TLK1: variants seen among roughly 807,000 people sequenced by gnomAD.
TLK1 encodes tousled like kinase 1.
Under a neutral mutation model 105.3 loss-of-function variants are expected in TLK1, and 24 were observed. That is an observed-to-expected ratio of 0.23 (90% CI 0.17 to 0.32). The LOEUF (loss-of-function observed/expected upper bound fraction) is 0.32. Among genes scored for constraint, TLK1 ranks in the 10% least tolerant of loss-of-function variants. TLK1 has a pLI of 1.00. For missense variants in TLK1, 558 were observed against 910.5 expected, an observed-to-expected ratio of 0.61 and a Z score of 4.98; for synonymous variants, 321 against 310.4, an observed-to-expected ratio of 1.03 and a Z score of -0.36.
At chr2:171,196,939 C>T (rs1693287086) in intron 1 of TLK1, among the ~76,000 whole-genome samples, 1 of 152,096 alleles carries the variant, frequency 6.6e-6, no homozygotes, top group South Asian at 2.1e-4. Context: ...TAGTCTTTTT[C>T]AAAGTAATGA....
chr2:171,188,493 C>A (rs1036682196), intron 1 of TLK1, among the ~76,000 whole-genome samples: 1 of 152,136 alleles, frequency 6.6e-6, no homozygotes, highest in Non-Finnish European at 1.5e-5. Flanking sequence ...ATCACAAGGT[C>A]AGGAGTTCGA....
chr2:171,185,518 A>G (rs1474216883), intron 1 of TLK1, among the ~76,000 whole-genome samples: 1 of 152,140 alleles, frequency 6.6e-6, no homozygotes, highest in Admixed American at 6.6e-5. Flanking sequence ...AAGCTTGCAG[A>G]GTGCACTACA....
intron 1 of TLK1, among the ~76,000 whole-genome samples, chr2:171,135,690 T>A (rs1164481477): frequency 6.6e-6 from 1 of 151,920 alleles, no homozygotes; most frequent in African/African-American, 2.4e-5. Context: ...TAATCCCAGC[T>A]ACTCCAGAGG....
chr2:171,118,506 A>C (rs928090884), intron 1 of TLK1, among the ~76,000 whole-genome samples: 1 of 152,214 alleles, frequency 6.6e-6, no homozygotes, highest in African/African-American at 2.4e-5. Context: ...ATGAAACACA[A>C]ACACGTTTAC....
At chr2:171,016,227 G>A (rs978869434) in intron 12 of TLK1, among the ~76,000 whole-genome samples, 6 of 151,988 alleles carry the variant, frequency 3.9e-5, no homozygotes, top group South Asian at 4.2e-4. Flanking sequence ...CTGCAGCCTC[G>A]ACCCCGCAAG....
intron 1 of TLK1, among the ~76,000 whole-genome samples, chr2:171,155,433 G>A (rs1305896046): frequency 1.3e-5 from 2 of 151,078 alleles, no homozygotes; most frequent in Non-Finnish European, 3.0e-5. Flanking sequence ...AAAATCCTCA[G>A]AGGAAAAGCA....
chr2:171,189,925 A>T (rs970893183), intron 1 of TLK1, among the ~76,000 whole-genome samples: 6 of 151,264 alleles, frequency 4.0e-5, no homozygotes, highest in African/African-American at 1.2e-4. Flanking sequence ...ACAGAGCGAG[A>T]CCCTGTCTCA....
intron 1 of TLK1, among the ~76,000 whole-genome samples, chr2:171,214,919 T>C (rs1693685577): frequency 1.3e-5 from 2 of 152,092 alleles, no homozygotes; most frequent in Admixed American, 6.5e-5. Flanking sequence ...TGACTCCGCC[T>C]GCAATCATGT....
chr2:171,084,780 AAAC>A (rs1441444388), intron 2 of TLK1, among the ~76,000 whole-genome samples: 3 of 152,218 alleles, frequency 2.0e-5, no homozygotes, highest in Admixed American at 1.3e-4. Flanking sequence ...TCAAGACATG[AAAC>A]AACTATATAA....
intron 6 of TLK1, 21 bp from the exon 7 acceptor site, chr2:171,055,193 T>A (rs757156086): frequency 7.6e-7 from 1 of 1,307,204 alleles, no homozygotes; most frequent in Non-Finnish European, 1.0e-6. Context: ...TATTAAAATT[T>A]TTATATTAGC....
intron 1 of TLK1, among the ~76,000 whole-genome samples, chr2:171,132,460 G>A (rs1691142788): frequency 6.6e-6 from 1 of 152,066 alleles, no homozygotes; most frequent in South Asian, 2.1e-4. Context: ...CCCCCAACAC[G>A]AGTTTCAGAT....
chr2:170,991,779 T>G lies in TLK1; in HGVS notation c.*2001A>C, dbSNP rs1683794091. ...TCCTTTTAGTTCAGGAATTTAAATG[T>G]TACTTTATGAACATAGGACTTTATC... On this transcript the variant is annotated 3_prime_UTR_variant, in exon 21 of 21. Coordinates refer to ENST00000431350, the MANE Select transcript of TLK1 (RefSeq NM_012290.5). 6.6e-6 allele frequency: 1 copy of G among 152,202 alleles called. No homozygotes were observed. The highest frequency in any genetic ancestry group is 6.5e-5 in the Admixed American group (1 of 15,282). The allele number at this position is 152,202 out of a possible 1,614,324, so 9.4% of individuals were successfully genotyped here. A position where few individuals can be genotyped will look rare whatever the true frequency, so the allele number is the denominator to read the frequency against.
At chr2:171,220,113 A>G (rs1388869404) in intron 1 of TLK1, among the ~76,000 whole-genome samples, 1 of 152,214 alleles carries the variant, frequency 6.6e-6, no homozygotes, top group Admixed American at 6.5e-5. Flanking sequence ...ACTCAGAATA[A>G]TATTTCCATT....
chr2:171,089,045 C>T (rs1015193693), intron 2 of TLK1, among the ~76,000 whole-genome samples: 1 of 152,170 alleles, frequency 6.6e-6, no homozygotes, highest in African/African-American at 2.4e-5. Context: ...CCATGCCCGG[C>T]TACTTTTTGT....
intron 2 of TLK1, among the ~76,000 whole-genome samples, chr2:171,089,991 A>C (rs981214000): frequency 3.3e-5 from 5 of 152,120 alleles, no homozygotes; most frequent in Non-Finnish European, 7.4e-5. Context: ...ACCCTCCCCA[A>C]AATCCTGCTG....
intron 14 of TLK1, among the ~76,000 whole-genome samples, chr2:171,010,918 C>T (rs1684884817): frequency 6.6e-6 from 1 of 152,162 alleles, no homozygotes; most frequent in Non-Finnish European, 1.5e-5. Context: ...CAAGGACAGT[C>T]TTTGGATTCT....
chr2:171,145,485 G>C (rs966754716), intron 1 of TLK1, among the ~76,000 whole-genome samples: 1 of 150,222 alleles, frequency 6.7e-6, no homozygotes, highest in Non-Finnish European at 1.5e-5. Flanking sequence ...GGCTACTCGG[G>C]AGGCTGAGGC....
chr2:171,194,701 C>T (rs1206820613), intron 1 of TLK1, among the ~76,000 whole-genome samples: 1 of 147,658 alleles, frequency 6.8e-6, no homozygotes, highest in Non-Finnish European at 1.5e-5. Context: ...CCTGTAGTCC[C>T]AGCTACTCCG....
At chr2:171,218,553 A>G (rs1227659748) in intron 1 of TLK1, among the ~76,000 whole-genome samples, 2 of 152,188 alleles carry the variant, frequency 1.3e-5, no homozygotes, top group East Asian at 3.8e-4. Flanking sequence ...GGTAATTTAT[A>G]AACAATGGAA....
Sources: gnomAD v4.1 joint callset for allele counts (sites outside exome capture counted in the v4.1 genomes callset) on GRCh38, gnomAD v4.1.1 for gene constraint, MANE v1.5 for transcripts, NCBI Gene and HGNC (gene_info 2026-07-23, HGNC 2026-07-21) for gene names.